Variants in MPRIP observed in about 807,000 individuals in gnomAD.
The protein encoded by MPRIP is myosin phosphatase Rho interacting protein.
Under a neutral mutation model 234.9 loss-of-function variants are expected in MPRIP, and 59 were observed. That is an observed-to-expected ratio of 0.25 (90% confidence interval 0.20 to 0.31). MPRIP has a LOEUF of 0.31. Ranked by LOEUF, MPRIP falls within the 10% of genes least tolerant of loss-of-function variation. The pLI is 1.00. For synonymous variants in MPRIP, 1,144 were observed against 1,263.9 expected (o/e 0.91, Z 2.01); for missense variants, 2,436 against 3,071.0 (o/e 0.79, Z 4.89).
At chr17:17,146,591 GAC>G (rs2045471364) in intron 10 of MPRIP, among the ~76,000 whole-genome samples, 1 of 152,170 alleles carries the variant, frequency 6.6e-6, no homozygotes, top group Non-Finnish European at 1.5e-5. Flanking sequence ...CTTGCCATCA[GAC>G]TCAAGCAGGA....
chr17:17,104,770 G>A (rs748456276), intron 3 of MPRIP, among the ~76,000 whole-genome samples: 3 of 152,136 alleles, frequency 2.0e-5, no homozygotes, highest in Non-Finnish European at 2.9e-5. Context: ...GAGCACCCAC[G>A]CTTCCAGTCT....
At position 17,180,347 on chromosome 17, in the gene MPRIP, G is replaced by A. The variant is rs113601372; in HGVS notation, c.7206+259G>A. Among the ~76,000 whole-genome samples the A allele has an allele frequency of 5.4e-3, 818 of 152,312 alleles. 4 individuals are homozygous for A. The highest frequency in any genetic ancestry group is 0.018 in the African/African-American group (747 of 41,562). On this transcript the variant is annotated intron_variant, in intron 23 of 23. Transcript: ENST00000651222. ...GCTTGGCATGATCAGCTCCTGCCTC[G>A]AGGCCAGGTTTCACCCAGCCCTGCT...
chr17:17,168,560 C>A, intron 16 of MPRIP: 1 of 338,498 alleles, frequency 3.0e-6, no homozygotes. Context: ...ATCCCCGCCC[C>A]TGAGGTCCTG....
At chr17:17,089,990 A>T (rs2089677742) in intron 3 of MPRIP, among the ~76,000 whole-genome samples, 1 of 151,250 alleles carries the variant, frequency 6.6e-6, no homozygotes, top group Admixed American at 6.6e-5. Context: ...TGTAGAGCGC[A>T]GCAGACACGA....
chr17:17,143,609 C>T lies in MPRIP; in HGVS notation c.1443C>T (p.Pro481=), dbSNP rs546186002. ...CTCTCCCAGACGCCTCGGCTTCCCC[C>T]CTGTCTCCACACCGAAGAGCCAAGT... is the stretch of plus-strand genomic sequence containing the variant. ...PAPLPDASAS[P]LSPHRRAKSL... The change falls in exon 9 of 24, where the codon CCC becomes CCT. Residue 481 remains proline (P), a synonymous_variant. Coordinates refer to ENST00000651222, the MANE Select transcript of MPRIP (RefSeq NM_001364716.4). 1.9e-6 allele frequency: 3 copies of T among 1,606,644 alleles called. No individual in the cohort carries two copies. The highest frequency in any genetic ancestry group is 2.3e-5 in the East Asian group (1 of 44,412).
intron 19 of MPRIP, among the ~76,000 whole-genome samples, chr17:17,174,288 C>T (rs979200082): frequency 1.3e-5 from 2 of 152,276 alleles, no homozygotes; most frequent in African/African-American, 4.8e-5. Flanking sequence ...CCGCGGATAG[C>T]TAGAGCAACG....
chr17:17,053,970 A>G (rs1473425197), intron 1 of MPRIP, among the ~76,000 whole-genome samples: 1 of 152,256 alleles, frequency 6.6e-6, no homozygotes, highest in Non-Finnish European at 1.5e-5. Context: ...AAGCATAACA[A>G]CACACAACCA....
intron 3 of MPRIP, among the ~76,000 whole-genome samples, chr17:17,089,340 C>T (rs1005402982): frequency 3.3e-5 from 5 of 152,188 alleles, no homozygotes; most frequent in African/African-American, 1.2e-4. Flanking sequence ...TGGCCACCTG[C>T]CTTCCTTGGC....
chr17:17,157,028 A>G (rs1266802664), intron 13 of MPRIP, among the ~76,000 whole-genome samples: 1 of 152,152 alleles, frequency 6.6e-6, no homozygotes, highest in Non-Finnish European at 1.5e-5. Context: ...CACTGTCCTC[A>G]GGTGGGCTTG....
rs1014881666 is a variant in MPRIP at position 17,190,968 on chromosome 17, T to TA, written c.*6081dup. 6.6e-6 allele frequency: 1 copy of TA among 152,154 alleles called. No individual in the cohort carries two copies. The allele number at this position is 152,154 out of a possible 1,614,324, so 9.4% of individuals were successfully genotyped here. On this transcript the variant is annotated 3_prime_UTR_variant, in exon 24 of 24. Coordinates refer to ENST00000651222, the MANE Select transcript of MPRIP (RefSeq NM_001364716.4). ...TTGTGACAGAGTTTGTATGGGTTTT[T>TA]AAAAAAATCTTAGACACCCCTTTTT... is the stretch of plus-strand genomic sequence containing the variant.
chr17:17,050,392 C>T (rs185603596), intron 1 of MPRIP, among the ~76,000 whole-genome samples: 1 of 151,698 alleles, frequency 6.6e-6, no homozygotes, highest in Admixed American at 6.6e-5. Flanking sequence ...AAAATACTGT[C>T]ATTACACCAT....
At chr17:17,101,294 G>T (rs1331790543) in intron 3 of MPRIP, among the ~76,000 whole-genome samples, 2 of 152,228 alleles carry the variant, frequency 1.3e-5, no homozygotes. Flanking sequence ...GGCCGGGCCT[G>T]GTGGCCCACA....
At chr17:17,101,461 G>A (rs796981704) in intron 3 of MPRIP, among the ~76,000 whole-genome samples, 9 of 152,238 alleles carry the variant, frequency 5.9e-5, no homozygotes, top group African/African-American at 2.2e-4. Flanking sequence ...CAGCCACTCA[G>A]GCTGAGGCTG....
Position 17,180,049 on chromosome 17 carries a change from A to C in MPRIP, c.7167A>C (p.Arg2389Ser). The C allele has an allele frequency of 3.1e-6, 5 of 1,593,170 alleles. No homozygotes were observed. Among genetic ancestry groups the C allele is most frequent in the Non-Finnish European group, 4.3e-6 (5 of 1,174,270 alleles). The change falls in exon 23 of 24, where the codon AGA becomes AGC. Residue 2389 changes from arginine to serine, a missense_variant. Arg to Ser is a moderately radical substitution (Grantham distance 110). This residue lies in a region of MPRIP where 1,998 missense variants were observed against 2,520.3 expected (regional missense o/e 0.79). Transcript: ENST00000651222. The stretch of plus-strand genomic sequence containing the variant: ...ACCCTGACTTCTTGAAGAAAGACAG[A>C]TCCTGTGTCACCCGGCAACTCAGAA... ...KSNPDFLKKD[R>S]SCVTRQLRNI...
At chr17:17,111,489 C>T (rs2090170683) in intron 3 of MPRIP, among the ~76,000 whole-genome samples, 1 of 152,206 alleles carries the variant, frequency 6.6e-6, no homozygotes, top group East Asian at 1.9e-4. Flanking sequence ...TCCCCTGCAG[C>T]CTGGGCACCT....
chr17:17,153,202 G>GTCCCT (rs1254071433), intron 12 of MPRIP, among the ~76,000 whole-genome samples: 1 of 152,132 alleles, frequency 6.6e-6, no homozygotes, highest in Non-Finnish European at 1.5e-5. Context: ...GGCAGGTCAG[G>GTCCCT]TCCCTCCCAG....
In MPRIP at chr17:17,164,894, G is replaced by C. The variant is rs1308950852; in HGVS notation, c.3303G>C (p.Gln1101His). The C allele has an allele frequency of 1.5e-6, 2 of 1,303,728 alleles. No homozygotes were observed. The highest frequency in any genetic ancestry group is 5.6e-5 in the East Asian group (1 of 18,016). 80.8% of individuals were successfully genotyped at this position (1,303,728 alleles called of 1,614,324 possible). ...TGCGCAGGCTCGCAGAGCACGTGCA[G>C]AGCCTCTGTGACGAGCGGGACCTCC... ...ASVRRLAEHV[Q>H]SLCDERDLLR... Residue 1101 changes from glutamine (Q) to histidine (H), a missense_variant, in exon 16 of 24, where the codon CAG (glutamine) becomes CAC (histidine). Physicochemically the swap from Gln to His is conservative, Grantham distance 24. Around this residue, in one of 4 missense-constraint regions of MPRIP, gnomAD observed 1,998 missense variants for 2,520.3 expected, o/e 0.79. Transcript: ENST00000651222.
rs1310804808 is a variant in MPRIP at position 17,192,229 on chromosome 17, C to G, written c.*7335C>G. On this transcript the variant is annotated 3_prime_UTR_variant, in exon 24 of 24. Coordinates refer to ENST00000651222, the MANE Select transcript of MPRIP (RefSeq NM_001364716.4). The stretch of plus-strand genomic sequence containing the variant: ...TATAATTCCAACTGGTGTTTCATTT[C>G]TGTTCTAATGCTAAGTGGTAACGCT... The G allele has an allele frequency of 6.6e-6, 1 of 152,064 alleles. No individual in the cohort carries two copies. Among genetic ancestry groups the G allele is most frequent in the Non-Finnish European group, 1.5e-5 (1 of 68,024 alleles). 9.4% of individuals were successfully genotyped at this position (152,064 alleles called of 1,614,324 possible).
intron 3 of MPRIP, among the ~76,000 whole-genome samples, chr17:17,104,163 T>G (rs1163930636): frequency 6.6e-6 from 1 of 152,234 alleles, no homozygotes. Context: ...ATAGGCCTCA[T>G]GCTTACCTCC....
Sources: allele counts gnomAD v4.1 joint callset (sites outside exome capture counted in the v4.1 genomes callset), GRCh38; gene constraint gnomAD v4.1.1; regional missense constraint gnomAD v4.1.1; transcripts MANE v1.5; gene names NCBI Gene and HGNC (gene_info 2026-07-23, HGNC 2026-07-21).